The following RARB variants were observed in gnomAD, a reference collection of about 807,000 sequenced individuals.
RARB encodes retinoic acid receptor beta.
In RARB, 17 loss-of-function variants were observed where a neutral mutation model predicts 51.9. That is an observed-to-expected ratio of 0.33 (90% CI 0.22 to 0.49). The LOEUF (loss-of-function observed/expected upper bound fraction) is 0.49. RARB is among the 20% of genes least tolerant of loss of function. RARB has a pLI of 0.99. For synonymous variants in RARB, 215 were observed against 195.4 expected, an observed-to-expected ratio of 1.10 and a Z score of -0.84; for missense variants, 369 against 550.8, an observed-to-expected ratio of 0.67 and a Z score of 3.30.
chr3:25,113,575 C>A (rs930522740), intron 3 of RARB, among the ~76,000 whole-genome samples: 3 of 152,148 alleles, frequency 2.0e-5, no homozygotes, highest in Non-Finnish European at 4.4e-5. Context: ...AGTAATTGAG[C>A]TGTCAATTAT....
intron 4 of RARB, among the ~76,000 whole-genome samples, chr3:25,151,854 T>C (rs192749801): frequency 3.3e-5 from 5 of 152,342 alleles, no homozygotes; most frequent in African/African-American, 1.2e-4. Context: ...AAAGTTTTTG[T>C]GGCTTTTCTT....
chr3:25,461,653 G>A (rs973098085), intron 2 of RARB, among the ~76,000 whole-genome samples: 1 of 152,166 alleles, frequency 6.6e-6, no homozygotes, highest in Non-Finnish European at 1.5e-5. Flanking sequence ...CCAGCACTTT[G>A]GGAGGCCAAG....
At chr3:25,345,604 G>A (rs1442622581) in intron 5 of RARB, among the ~76,000 whole-genome samples, 5 of 149,522 alleles carry the variant, frequency 3.3e-5, no homozygotes, top group African/African-American at 1.0e-4. Flanking sequence ...GGTGGAGGTT[G>A]CAGTGAGCCG....
chr3:25,126,565 G>A lies in RARB; in HGVS notation c.-327-5596G>A, dbSNP rs150712315. 3.3e-4 allele frequency among the ~76,000 whole-genome samples: 50 copies of A among 152,078 alleles called. No individual in the cohort carries two copies. In the East Asian group the frequency reaches 8.3e-3, roughly 25 times the overall value. ...TTGCACCTGCATTTCAAACTTTCAT[G>A]TGCACATGAACAAAGCAGATTCTGA... On this transcript the variant is annotated intron_variant, in intron 3 of 11. Transcript: ENST00000383772.
At chr3:25,306,196 G>C (rs1203041697) in intron 5 of RARB, among the ~76,000 whole-genome samples, 1 of 152,060 alleles carries the variant, frequency 6.6e-6, no homozygotes, top group Non-Finnish European at 1.5e-5. Context: ...TCATTGATTG[G>C]GTCTCCGTGG....
intron 1 of RARB, among the ~76,000 whole-genome samples, chr3:24,848,365 A>G (rs77030106): frequency 0.025 from 3,839 of 152,290 alleles, 72 homozygotes; most frequent in Middle Eastern, 0.041. Flanking sequence ...CTGGCCCTGT[A>G]AGGTTTTAAA....
At chr3:25,397,974 A>G (rs1707161664) in intron 5 of RARB, among the ~76,000 whole-genome samples, 1 of 152,176 alleles carries the variant, frequency 6.6e-6, no homozygotes. Flanking sequence ...TTAAAATGAT[A>G]TAATTTTTCC....
At chr3:25,558,472 G>A (rs547446853) in intron 3 of RARB, among the ~76,000 whole-genome samples, 10 of 148,120 alleles carry the variant, frequency 6.8e-5, no homozygotes, top group African/African-American at 9.9e-5. Context: ...TTTCATCCCC[G>A]TATCCTTTTC....
At chr3:25,498,522 C>T (rs1443895785) in intron 2 of RARB, among the ~76,000 whole-genome samples, 2 of 152,154 alleles carry the variant, frequency 1.3e-5, no homozygotes, top group Non-Finnish European at 2.9e-5. Context: ...AGCCAAAAAT[C>T]TGATTTGGAA....
chr3:25,264,317 G>C (rs1703075868), intron 5 of RARB, among the ~76,000 whole-genome samples: 1 of 152,060 alleles, frequency 6.6e-6, no homozygotes, highest in Non-Finnish European at 1.5e-5. Flanking sequence ...GGTGAAAAGG[G>C]AAACTGGTTT....
chr3:25,387,917 G>C (rs1247148019), intron 5 of RARB, among the ~76,000 whole-genome samples: 1 of 151,928 alleles, frequency 6.6e-6, no homozygotes, highest in Non-Finnish European at 1.5e-5. Context: ...GGATTGATGA[G>C]GTTTGCTGAA....
chr3:25,464,989 G>A (rs547923051), intron 2 of RARB, among the ~76,000 whole-genome samples: 5 of 151,606 alleles, frequency 3.3e-5, no homozygotes, highest in Non-Finnish European at 7.4e-5. Context: ...AGTTTTTTTC[G>A]ATTATAAATA....
chr3:24,868,553 T>C (rs1702891977), intron 2 of RARB, among the ~76,000 whole-genome samples: 1 of 152,128 alleles, frequency 6.6e-6, no homozygotes, highest in Admixed American at 6.6e-5. Context: ...AAAGTTAAAC[T>C]GAAAAATATA....
intron 5 of RARB, among the ~76,000 whole-genome samples, chr3:25,302,519 A>G (rs930878432): frequency 3.9e-5 from 6 of 152,236 alleles, no homozygotes; most frequent in African/African-American, 1.4e-4. Context: ...AAGGCCCTAT[A>G]TTGTATGATC....
chr3:25,548,101 CTTTT>C (rs66817079), intron 3 of RARB, among the ~76,000 whole-genome samples: 44 of 126,276 alleles, frequency 3.5e-4, no homozygotes, highest in African/African-American at 1.0e-3. Flanking sequence ...ATTCATTTGG[CTTTT>C]TTTTTTTTTT....
At chr3:25,281,964 G>T (rs190856761) in intron 5 of RARB, among the ~76,000 whole-genome samples, 1 of 152,264 alleles carries the variant, frequency 6.6e-6, no homozygotes, top group African/African-American at 2.4e-5. Context: ...CTGGGCTAGG[G>T]GTTCAGAGTA....
intron 4 of RARB, among the ~76,000 whole-genome samples, chr3:25,164,950 G>A (rs888400227): frequency 2.0e-5 from 3 of 152,008 alleles, no homozygotes; most frequent in African/African-American, 7.2e-5. Flanking sequence ...TAATCTCAAC[G>A]TGCAGGTCGA....
chr3:25,109,748 C>T (rs1225292855), intron 3 of RARB, among the ~76,000 whole-genome samples: 1 of 152,106 alleles, frequency 6.6e-6, no homozygotes, highest in Non-Finnish European at 1.5e-5. Flanking sequence ...GTTACGTCAG[C>T]CATGCTTCTT....
chr3:24,873,555 C>A (rs1702986137), intron 2 of RARB, among the ~76,000 whole-genome samples: 1 of 151,594 alleles, frequency 6.6e-6, no homozygotes, highest in Admixed American at 6.6e-5. Context: ...ATTGTGGGTT[C>A]TCTCTACAGT....
Sources: allele counts gnomAD v4.1 joint callset (sites outside exome capture counted in the v4.1 genomes callset), GRCh38; gene constraint gnomAD v4.1.1; transcripts MANE v1.5; gene names NCBI Gene and HGNC (gene_info 2026-07-23, HGNC 2026-07-21).